The following GALR1 variants were observed in gnomAD, a reference collection of about 807,000 sequenced individuals.
GALR1 encodes galanin receptor 1, also known as galanin receptor type 1.
A neutral mutation model predicts 17.9 loss-of-function variants in GALR1; 11 were observed. The observed-to-expected ratio is 0.62, with a 90% CI of 0.39 to 1.02. The LOEUF (loss-of-function observed/expected upper bound fraction) is 1.02. GALR1 is among the 50% of genes least tolerant of loss of function. GALR1 has a pLI of 0.01. For missense variants in GALR1, 441 were observed against 456.9 expected, an observed-to-expected ratio of 0.97 and a Z score of 0.32; for synonymous variants, 206 against 205.7, an observed-to-expected ratio of 1.00 and a Z score of -0.01.
chr18:77,258,534 GCGA>G (rs1568141152), intron 2 of GALR1, among the ~76,000 whole-genome samples: 2 of 144,176 alleles, frequency 1.4e-5, no homozygotes, highest in Non-Finnish European at 3.0e-5. Flanking sequence ...GGTGATGGTG[GCGA>G]TTGTGGTGGT....
rs1307878704 is a variant in GALR1, at chr18:77,275,771, A to T, written c.*6869A>T. On this transcript the variant is annotated 3_prime_UTR_variant, in exon 3 of 3. Transcript: ENST00000299727. Reference sequence around the variant, plus strand: ...GAGAGTGTTTTTTAAAACGGAAACCATGTCATTTTCCTTCTAGAGAGAATT... The same window carrying T: ...GAGAGTGTTTTTTAAAACGGAAACCTTGTCATTTTCCTTCTAGAGAGAATT... 1 of 152,184 alleles carries T rather than the reference A, an allele frequency of 6.6e-6. No individual in the cohort carries two copies. Among genetic ancestry groups the T allele is most frequent in the East Asian group, 1.9e-4 (1 of 5,196 alleles). The allele number at this position is 152,184 out of a possible 1,614,324, so 9.4% of individuals were successfully genotyped here.
Position 77,268,954 on chromosome 18 carries a change from CAG to C in GALR1, c.*54_*55del. 1.6e-6 allele frequency: 2 copies of C among 1,288,490 alleles called. No homozygotes were observed. The highest frequency in any genetic ancestry group is 2.2e-6 in the Non-Finnish European group (2 of 907,566). The allele number at this position is 1,288,490 out of a possible 1,614,324, so 79.8% of individuals were successfully genotyped here. A position where few individuals can be genotyped will look rare whatever the true frequency, so the allele number is the denominator to read the frequency against. ...AGTTTCCATATAAGTGGACCAGACA[CAG>C]AAACAAACAGAATGAGCTAGTAAGC... is the stretch of plus-strand genomic sequence containing the variant. On this transcript the variant is annotated 3_prime_UTR_variant, in exon 3 of 3. Transcript: ENST00000299727.
intron 2 of GALR1, among the ~76,000 whole-genome samples, chr18:77,262,957 G>T (rs1912863791): frequency 6.6e-6 from 1 of 152,204 alleles, no homozygotes; most frequent in African/African-American, 2.4e-5. Context: ...AACACTGCCA[G>T]AGAAAACACT....
chr18:77,256,244 T>G, intron 2 of GALR1, 21 bp downstream of exon 2: 1 of 1,297,804 alleles, frequency 7.7e-7, no homozygotes, highest in Non-Finnish European at 1.1e-6. Flanking sequence ...CAAATATATA[T>G]ATATATGTTA....
intron 1 of GALR1, among the ~76,000 whole-genome samples, chr18:77,252,950 T>TCACCACCAC (rs1912485693): frequency 3.2e-4 from 8 of 25,280 alleles, no homozygotes; most frequent in East Asian, 1.1e-3. Flanking sequence ...ACCACCACCA[T>TCACCACCAC]CACCACCATC....
At position 77,256,331 on chromosome 18, in the gene GALR1, T is replaced by G. The variant is rs1912587757; in HGVS notation, c.732+108T>G. ...CCAAAGCCTGTAACATTTAGGACCC[T>G]TGGTGTGGCTAAGGAGGTTTGAGAT... On this transcript the variant is annotated intron_variant, in intron 2 of 2. Transcript: ENST00000299727. 4 of 651,398 alleles carry G rather than the reference T, an allele frequency of 6.1e-6. No homozygotes were observed. In the South Asian group the frequency reaches 7.8e-5, roughly 13 times the overall value. 40.4% of individuals were successfully genotyped at this position (651,398 alleles called of 1,614,324 possible).
intron 1 of GALR1, among the ~76,000 whole-genome samples, chr18:77,252,266 C>T (rs1912435779): frequency 6.6e-6 from 1 of 151,666 alleles, no homozygotes; most frequent in African/African-American, 2.4e-5. Flanking sequence ...GGCGATTCAC[C>T]GGGTAAACCC....
rs758387946 is a variant in GALR1 at position 77,268,731 on chromosome 18, C to G, written c.879C>G (p.Tyr293Ter). ...LFRITAHCLA[Y>*]SNSSVNPIIY... ...GAATCACCGCCCACTGCCTGGCGTACAGCAATTCCTCCGTGAATCCTATCA... is the reference window on the plus strand; with the variant it reads ...GAATCACCGCCCACTGCCTGGCGTAGAGCAATTCCTCCGTGAATCCTATCA... Residue 293 changes from tyrosine to a stop codon, truncating the protein, a stop_gained, in exon 3 of 3, where the codon TAC becomes TAG. Transcript: ENST00000299727. LOFTEE classifies it low-confidence loss of function (END_TRUNC). The G allele has an allele frequency of 4.3e-6, 7 of 1,614,068 alleles. No homozygotes were observed. The highest frequency in any genetic ancestry group is 5.9e-6 in the Non-Finnish European group (7 of 1,180,048).
chr18:77,255,735 T>C (rs2717161), intron 1 of GALR1, among the ~76,000 whole-genome samples: 91,501 of 152,208 alleles, frequency 0.6, 28,268 homozygotes, highest in Non-Finnish European at 0.67. Flanking sequence ...AGTTTTTCGA[T>C]GCATCCAGGA....
chr18:77,263,576 T>A (rs1384746551), intron 2 of GALR1, among the ~76,000 whole-genome samples: 3 of 152,156 alleles, frequency 2.0e-5, no homozygotes, highest in African/African-American at 7.2e-5. Flanking sequence ...CCCTGGTGCC[T>A]CTCGATAGGG....
At chr18:77,263,994 C>T (rs1354829319) in intron 2 of GALR1, among the ~76,000 whole-genome samples, 7 of 151,776 alleles carry the variant, frequency 4.6e-5, no homozygotes, top group South Asian at 2.1e-4. Context: ...AATTAGCCAG[C>T]GTGGTGGCAC....
chr18:77,268,897 G>A lies in GALR1; in HGVS notation c.1045G>A (p.Val349Met). The A allele has an allele frequency of 1.2e-6, 2 of 1,606,666 alleles. No individual in the cohort carries two copies. The highest frequency in any genetic ancestry group is 3.3e-4 in the Middle Eastern group (2 of 6,052). Reference sequence around the variant, plus strand: ...CCCACCATCAACCAATTGTACTCATGTGTGATAAAAGATAGAGTATCCTTA... The same window carrying A: ...CCCACCATCAACCAATTGTACTCATATGTGATAAAAGATAGAGTATCCTTA... Reference protein sequence around the residue: ...DTPPSTNCTHV With the variant: ...DTPPSTNCTHM The change falls in exon 3 of 3, where the codon GTG becomes ATG. Residue 349 changes from valine (V) to methionine (M), a missense_variant. Coordinates refer to ENST00000299727, the MANE Select transcript of GALR1 (RefSeq NM_001480.4).
rs963404411 is a variant in GALR1 at position 77,251,125 on chromosome 18, G to T, written c.577G>T (p.Asp193Tyr). 6.2e-7 allele frequency: 1 copy of T among 1,612,854 alleles called. No homozygotes were observed. Among genetic ancestry groups the T allele is most frequent in the Admixed American group, 1.7e-5 (1 of 60,012 alleles). Residue 193 changes from aspartate to tyrosine, a missense_variant, in exon 1 of 3, where the codon GAC becomes TAC. Transcript: ENST00000299727. ...GACCTTCTGCTGGGAGCAGTGGCCC[G>T]ACCCTCGCCACAAGAAGGCCTACGT... is the stretch of plus-strand genomic sequence containing the variant. ...NQTFCWEQWP[D>Y]PRHKKAYVVC...
Position 77,275,798 on chromosome 18 carries a change from C to T in GALR1, c.*6896C>T, listed in dbSNP as rs749266896. On this transcript the variant is annotated 3_prime_UTR_variant, in exon 3 of 3. Transcript: ENST00000299727. ...GTCATTTTCCTTCTAGAGAGAATTT[C>T]CTGGTATGTCAATGTAGCTTCAGAA... 2.6e-5 allele frequency: 4 copies of T among 152,098 alleles called. No homozygotes were observed. Among genetic ancestry groups the T allele is most frequent in the Admixed American group, 6.6e-5 (1 of 15,260 alleles). 9.4% of individuals were successfully genotyped at this position (152,098 alleles called of 1,614,324 possible). A position where few individuals can be genotyped will look rare whatever the true frequency, so the allele number is the denominator to read the frequency against.
At chr18:77,265,670 C>T (rs1912930382) in intron 2 of GALR1, among the ~76,000 whole-genome samples, 1 of 152,248 alleles carries the variant, frequency 6.6e-6, no homozygotes, top group East Asian at 1.9e-4. Flanking sequence ...TCCATACATC[C>T]TCTGAAATCT....
Position 77,271,494 on chromosome 18 carries a change from G to A in GALR1, c.*2592G>A, listed in dbSNP as rs9636016. ...AAACAGAATGAAATTAACCAGAGAA[G>A]TATAGGAGTGTGTTGCGTTTGCCAA... On this transcript the variant is annotated 3_prime_UTR_variant, in exon 3 of 3. Transcript: ENST00000299727. 3 of 152,314 alleles carry A rather than the reference G, an allele frequency of 2.0e-5. No individual in the cohort carries two copies. The highest frequency in any genetic ancestry group is 3.9e-4 in the East Asian group (2 of 5,184). The allele number at this position is 152,314 out of a possible 1,614,324, so 9.4% of individuals were successfully genotyped here.
At chr18:77,264,582 G>C (rs548245745) in intron 2 of GALR1, among the ~76,000 whole-genome samples, 2 of 152,098 alleles carry the variant, frequency 1.3e-5, no homozygotes, top group South Asian at 4.1e-4. Context: ...GTGAGGTCTG[G>C]GAAGAGAGTG....
chr18:77,253,625 A>G (rs1912520586), intron 1 of GALR1: 1 of 152,138 alleles, frequency 6.6e-6, no homozygotes, highest in Non-Finnish European at 1.5e-5. Context: ...AGTTATTTCA[A>G]GTTGATTTTC....
intron 1 of GALR1, among the ~76,000 whole-genome samples, chr18:77,252,582 T>C: frequency 6.6e-6 from 1 of 152,054 alleles, no homozygotes; most frequent in East Asian, 1.9e-4. Flanking sequence ...AAAGGTTAAA[T>C]ATGAAGAAAT....
Sources: gnomAD v4.1 joint callset for allele counts (sites outside exome capture counted in the v4.1 genomes callset) on GRCh38, gnomAD v4.1.1 for gene constraint, MANE v1.5 for transcripts, NCBI Gene and HGNC (gene_info 2026-07-23, HGNC 2026-07-21) for gene names.